The following HDAC8 variants were observed in gnomAD, a reference collection of about 807,000 sequenced individuals.
HDAC8 encodes the protein histone deacetylase-like 1.
HDAC8 carries 1 observed loss-of-function variant against 32.2 expected under a neutral mutation model. That is an observed-to-expected ratio of 0.03 (90% confidence interval 0.01 to 0.15). HDAC8 has a LOEUF of 0.15. HDAC8 is among the 10% of genes least tolerant of loss of function. HDAC8 has a pLI of 1.00. For missense variants in HDAC8, 117 were observed against 300.0 expected (o/e 0.39, Z 4.51); for synonymous variants, 108 against 113.9 (o/e 0.95, Z 0.33).
intron 7 of HDAC8, among the ~76,000 whole-genome samples, chrX:72,465,857 T>C (rs1161683457): frequency 1.8e-5 from 2 of 111,835 alleles, no homozygotes; most frequent in Non-Finnish European, 3.8e-5. Flanking sequence ...ACAAGGGTAT[T>C]GAAATTATTG....
Position 72,334,710 on chromosome X carries a change from C to T in HDAC8, c.1112-4634G>A, listed in dbSNP as rs1482876093. Among the ~76,000 whole-genome samples, 7 of 111,921 alleles carry T rather than the reference C, an allele frequency of 6.3e-5. No homozygotes were observed. The South Asian group carries it at 1.1e-3, about 18-fold the overall frequency. On this transcript the variant is annotated intron_variant, in intron 10 of 10. Transcript: ENST00000373573. ...TGGCCAAACAGAACAATTTTGGAGG[C>T]GAGATGTAGCTTATGGACTGCCAGT...
At chrX:72,447,589 G>T (rs1555985549) in intron 9 of HDAC8, among the ~76,000 whole-genome samples, 2 of 111,681 alleles carry the variant, frequency 1.8e-5, no homozygotes, top group African/African-American at 6.5e-5. Context: ...TCTGGCCAGG[G>T]CAATCAGGCA....
At chrX:72,380,042 T>C (rs1165069504) in intron 9 of HDAC8, among the ~76,000 whole-genome samples, 1 of 111,327 alleles carries the variant, frequency 9.0e-6, no homozygotes, top group Non-Finnish European at 1.9e-5. Flanking sequence ...GTGAGAACTT[T>C]GGCCTTTCTT....
At chrX:72,493,411 T>C (rs1556011028) in intron 5 of HDAC8, among the ~76,000 whole-genome samples, 2 of 111,708 alleles carry the variant, frequency 1.8e-5, no homozygotes, top group African/African-American at 6.5e-5. Context: ...GTAGTTTCTT[T>C]GGTTCCATGC....
intron 4 of HDAC8, among the ~76,000 whole-genome samples, chrX:72,518,914 T>C (rs781954442): frequency 6.2e-5 from 7 of 112,802 alleles, no homozygotes; most frequent in Non-Finnish European, 1.3e-4. Flanking sequence ...TAGCTCATTT[T>C]AAAAATTGCT....
intron 4 of HDAC8, among the ~76,000 whole-genome samples, chrX:72,512,045 T>G (rs1470592844): frequency 2.7e-5 from 3 of 112,041 alleles, no homozygotes; most frequent in Non-Finnish European, 5.6e-5. Context: ...GTGATTATAC[T>G]TTATAGAAAG....
chrX:72,562,043 T>C (rs1416385258), intron 4 of HDAC8, among the ~76,000 whole-genome samples: 4 of 112,073 alleles, frequency 3.6e-5, no homozygotes, highest in African/African-American at 1.3e-4. Flanking sequence ...GATGTTGTTA[T>C]GGATGTGGTG....
chrX:72,329,776 A>C lies in HDAC8; in HGVS notation c.*278T>G. On this transcript the variant is annotated 3_prime_UTR_variant, in exon 11 of 11. Transcript: ENST00000373573. Reference sequence around the variant, plus strand: ...CAATTCGCTTAAAAATAATTTTCAAAGATTAAAAATTTCATTTGTGTGTGT... The same window carrying C: ...CAATTCGCTTAAAAATAATTTTCAACGATTAAAAATTTCATTTGTGTGTGT... The C allele has an allele frequency of 8.9e-7, 1 of 1,125,650 alleles. No homozygotes were observed. The highest frequency in any genetic ancestry group is 3.3e-5 in the East Asian group (1 of 30,615). 92.8% of individuals were successfully genotyped at this position (1,125,650 alleles called of 1,213,427 possible). A position where few individuals can be genotyped will look rare whatever the true frequency, so the allele number is the denominator to read the frequency against.
Position 72,532,249 on chromosome X carries a change from ATTTTT to A in HDAC8, c.437+35635_437+35639del, listed in dbSNP as rs34829256. On this transcript the variant is annotated intron_variant, in intron 4 of 10. Coordinates refer to ENST00000373573, the MANE Select transcript of HDAC8 (RefSeq NM_018486.3). ...ATAGGCATGCACCACCGTGTTGGGC[ATTTTT>A]TTTTTTTTTTTTTTTTTTTTGTAGA... Among the ~76,000 whole-genome samples, 28 of 54,174 alleles carry A rather than the reference ATTTTT, an allele frequency of 5.2e-4. No individual in the cohort carries two copies. The East Asian group carries it at 1.0e-2, about 19-fold the overall frequency. 47.0% of individuals were successfully genotyped at this position (54,174 alleles called of 115,157 possible). A position where few individuals can be genotyped will look rare whatever the true frequency, so the allele number is the denominator to read the frequency against.
intron 4 of HDAC8, among the ~76,000 whole-genome samples, chrX:72,520,452 C>A (rs904939870): frequency 2.7e-5 from 3 of 111,831 alleles, no homozygotes; most frequent in African/African-American, 9.7e-5. Flanking sequence ...GTATGACAAG[C>A]AATCATATAC....
At chrX:72,404,988 AAGTT>A (rs2045999586) in intron 9 of HDAC8, among the ~76,000 whole-genome samples, 5 of 110,907 alleles carry the variant, frequency 4.5e-5, no homozygotes, top group African/African-American at 1.6e-4. Flanking sequence ...TTGAACTTTT[AAGTT>A]CAGGGTACAA....
At chrX:72,387,398 TCTCTTCCTGCTATAGC>T (rs2045468670) in intron 9 of HDAC8, among the ~76,000 whole-genome samples, 1 of 112,152 alleles carries the variant, frequency 8.9e-6, no homozygotes, top group African/African-American at 3.2e-5. Flanking sequence ...TTTCTGTAGC[TCTCTTCCTGCTATAGC>T]CTCTGGTTTT....
At chrX:72,509,782 T>A (rs886410273) in intron 4 of HDAC8, among the ~76,000 whole-genome samples, 17 of 111,289 alleles carry the variant, frequency 1.5e-4, no homozygotes, top group African/African-American at 5.6e-4. Flanking sequence ...ATTTCTTCTA[T>A]TTCTCCTTCG....
chrX:72,440,898 G>T (rs1049442455), intron 9 of HDAC8, among the ~76,000 whole-genome samples: 1 of 112,779 alleles, frequency 8.9e-6, no homozygotes, highest in East Asian at 2.8e-4. Context: ...ACCTGGCTTG[G>T]GGGGGTCCTA....
intron 9 of HDAC8, among the ~76,000 whole-genome samples, chrX:72,430,206 G>C (rs947292554): frequency 1.3e-4 from 14 of 111,504 alleles, no homozygotes; most frequent in African/African-American, 4.6e-4. Flanking sequence ...CAAACCCTTG[G>C]CGTAGGCTCC....
intron 9 of HDAC8, among the ~76,000 whole-genome samples, chrX:72,400,901 G>T (rs1555967152): frequency 1.8e-5 from 2 of 112,157 alleles, no homozygotes; most frequent in Non-Finnish European, 3.8e-5. Flanking sequence ...ACAATATGTG[G>T]TCTTCAGCTT....
chrX:72,356,973 TGAG>T (rs782285839), intron 9 of HDAC8, among the ~76,000 whole-genome samples: 31 of 110,678 alleles, frequency 2.8e-4, no homozygotes, highest in African/African-American at 1.0e-3. Flanking sequence ...TATCGGAATT[TGAG>T]GAGAGGAATG....
intron 5 of HDAC8, among the ~76,000 whole-genome samples, chrX:72,491,507 C>T (rs782704695): frequency 2.7e-5 from 3 of 112,002 alleles, no homozygotes; most frequent in East Asian, 2.8e-4. Flanking sequence ...CCATTATATA[C>T]CAAAAACCTA....
chrX:72,505,138 T>C (rs933219817), intron 4 of HDAC8, among the ~76,000 whole-genome samples: 16 of 111,075 alleles, frequency 1.4e-4, no homozygotes, highest in African/African-American at 5.2e-4. Context: ...ATATTATGGA[T>C]GTCACACACT....
Sources: allele counts gnomAD v4.1 joint callset (sites outside exome capture counted in the v4.1 genomes callset), GRCh38; gene constraint gnomAD v4.1.1; transcripts MANE v1.5; gene names NCBI Gene and HGNC (gene_info 2026-07-23, HGNC 2026-07-21).